Variants in SORBS2 observed in about 807,000 individuals in gnomAD.
SORBS2 encodes sorbin and SH3 domain containing 2.
SORBS2 carries 46 observed loss-of-function variants against 97.7 expected under a neutral mutation model. The observed-to-expected ratio is 0.47, with a 90% CI of 0.37 to 0.60. The LOEUF (loss-of-function observed/expected upper bound fraction) is 0.60. Ranked by LOEUF, SORBS2 falls within the 20% of genes least tolerant of loss-of-function variation. The pLI is 0.00. For synonymous variants in SORBS2, 476 were observed against 473.4 expected (o/e 1.01, Z -0.07); for missense variants, 1,316 against 1,282.3 (o/e 1.03, Z -0.40).
intron 2 of SORBS2, among the ~76,000 whole-genome samples, chr4:185,685,863 T>C (rs151278838): frequency 1.3e-5 from 2 of 152,358 alleles, no homozygotes; most frequent in East Asian, 3.9e-4. Context: ...ATTCATATCT[T>C]TAAACTTATG....
chr4:185,729,064 G>A (rs2098592302), intron 2 of SORBS2, among the ~76,000 whole-genome samples: 1 of 152,226 alleles, frequency 6.6e-6, no homozygotes, highest in Non-Finnish European at 1.5e-5. Flanking sequence ...AATGCATTTA[G>A]CACAGTGAAT....
chr4:185,912,536 G>T (rs531049114), intron 1 of SORBS2, among the ~76,000 whole-genome samples: 1 of 127,562 alleles, frequency 7.8e-6, no homozygotes, highest in African/African-American at 3.0e-5. Context: ...AGTGAGCCGA[G>T]ATCATGCCAC....
intron 12 of SORBS2, among the ~76,000 whole-genome samples, chr4:185,610,462 C>G (rs566955460): frequency 6.6e-6 from 1 of 152,112 alleles, no homozygotes; most frequent in African/African-American, 2.4e-5. Context: ...TGGATAGTAC[C>G]AAACTCTTCC....
At chr4:185,769,882 C>T (rs1436253303) in intron 2 of SORBS2, among the ~76,000 whole-genome samples, 1 of 152,140 alleles carries the variant, frequency 6.6e-6, no homozygotes, top group African/African-American at 2.4e-5. Context: ...GGAAAAAGAC[C>T]GTTTTCCTTT....
At chr4:185,611,454 A>G (rs926700746) in intron 12 of SORBS2, among the ~76,000 whole-genome samples, 3 of 151,948 alleles carry the variant, frequency 2.0e-5, no homozygotes, top group Non-Finnish European at 4.4e-5. Flanking sequence ...TTAGGAAAAA[A>G]TTATTTCAGA....
intron 1 of SORBS2, among the ~76,000 whole-genome samples, chr4:185,950,606 C>T (rs1039216120): frequency 6.6e-6 from 1 of 152,220 alleles, no homozygotes. Flanking sequence ...ATGAATGCCC[C>T]TTCCAGGACT....
chr4:185,786,499 T>C (rs1319019619), intron 1 of SORBS2, among the ~76,000 whole-genome samples: 10 of 152,202 alleles, frequency 6.6e-5, no homozygotes, highest in Admixed American at 5.9e-4. Flanking sequence ...TTATAATGAA[T>C]GGTAATTGAA....
chr4:185,792,319 C>A (rs540876888), intron 1 of SORBS2, among the ~76,000 whole-genome samples: 1 of 152,258 alleles, frequency 6.6e-6, no homozygotes, highest in South Asian at 2.1e-4. Flanking sequence ...TATGGTGAAA[C>A]CCCGTCTCTA....
At chr4:185,681,052 G>A (rs1423912919) in intron 2 of SORBS2, among the ~76,000 whole-genome samples, 1 of 152,148 alleles carries the variant, frequency 6.6e-6, no homozygotes, top group Non-Finnish European at 1.5e-5. Context: ...ACACGAGTGT[G>A]CAGAATTAAG....
chr4:185,611,817 T>C lies in SORBS2; in HGVS notation c.2759A>G (p.Tyr920Cys), dbSNP rs1359491671. 7.4e-6 allele frequency: 12 copies of C among 1,613,994 alleles called. No homozygotes were observed. The highest frequency in any genetic ancestry group is 6.7e-5 in the Admixed American group (4 of 60,002). Residue 920 changes from tyrosine (Y) to cysteine (C), a missense_variant, in exon 12 of 15, where the codon TAT becomes TGT. Coordinates refer to ENST00000418609, the Ensembl canonical transcript of SORBS2. ...CAAGCTGTGAATCCTATCACTAGAA[T>C]AGCTGTGGGGTATTGGAGGGTCAGG...
intron 2 of SORBS2, among the ~76,000 whole-genome samples, chr4:185,723,880 G>T (rs993491058): frequency 6.6e-6 from 1 of 152,178 alleles, no homozygotes; most frequent in Non-Finnish European, 1.5e-5. Flanking sequence ...CTCCAGCCAC[G>T]TGGCAGCTAC....
intron 1 of SORBS2, among the ~76,000 whole-genome samples, chr4:185,853,438 C>T (rs1195181957): frequency 1.3e-5 from 2 of 152,176 alleles, no homozygotes; most frequent in East Asian, 3.8e-4. Context: ...ACCCCAAATG[C>T]ACCCCAAGAA....
chr4:185,602,699 T>C (rs904734777), intron 12 of SORBS2, among the ~76,000 whole-genome samples: 2 of 152,228 alleles, frequency 1.3e-5, no homozygotes, highest in African/African-American at 4.8e-5. Context: ...ACAATGAGCA[T>C]CAGCATTCTT....
chr4:185,780,326 C>A (rs1006172880), intron 1 of SORBS2, among the ~76,000 whole-genome samples: 1 of 152,108 alleles, frequency 6.6e-6, no homozygotes, highest in Admixed American at 6.6e-5. Flanking sequence ...GGAGTAACAC[C>A]TTTTATGCTT....
intron 1 of SORBS2, among the ~76,000 whole-genome samples, chr4:185,931,986 C>G (rs4862601): frequency 0.47 from 58,095 of 122,776 alleles, 11,534 homozygotes; most frequent in Middle Eastern, 0.58. Flanking sequence ...CTGTCTCTCT[C>G]TCTCTCTCTC....
intron 4 of SORBS2, among the ~76,000 whole-genome samples, chr4:185,672,877 T>A (rs1192215624): frequency 6.6e-6 from 1 of 152,120 alleles, no homozygotes; most frequent in Non-Finnish European, 1.5e-5. Flanking sequence ...GTGTTTAAAA[T>A]GGAAAGGTCA....
chr4:185,813,410 G>A (rs1012011536), intron 1 of SORBS2, among the ~76,000 whole-genome samples: 9 of 152,170 alleles, frequency 5.9e-5, no homozygotes, highest in African/African-American at 2.2e-4. Context: ...GCCACCCAGG[G>A]TCAGCGTATC....
At chr4:185,701,520 T>C (rs2153532856) in intron 2 of SORBS2, among the ~76,000 whole-genome samples, 1 of 152,348 alleles carries the variant, frequency 6.6e-6, no homozygotes, top group Middle Eastern at 3.4e-3. Context: ...CACTTTGTCA[T>C]CTGTGCTGCA....
At chr4:185,835,222 T>C (rs2099207360) in intron 1 of SORBS2, among the ~76,000 whole-genome samples, 2 of 152,202 alleles carry the variant, frequency 1.3e-5, no homozygotes, top group Non-Finnish European at 2.9e-5. Flanking sequence ...ACCTCTTTTC[T>C]TGATAAATTA....
Sources: gnomAD v4.1 joint callset for allele counts (sites outside exome capture counted in the v4.1 genomes callset) on GRCh38, gnomAD v4.1.1 for gene constraint, MANE v1.5 for transcripts, NCBI Gene and HGNC (gene_info 2026-07-23, HGNC 2026-07-21) for gene names.